Variants in RNF149 observed in about 807,000 individuals in gnomAD.
RNF149 encodes ring finger protein 149.
RNF149 carries 21 observed loss-of-function variants against 39.0 expected under a neutral mutation model. That is an observed-to-expected ratio of 0.54 (90% CI 0.38 to 0.77). The LOEUF (loss-of-function observed/expected upper bound fraction) is 0.77, where lower values mean the gene tolerates loss of function less well. Ranked by LOEUF, RNF149 falls within the 30% of genes least tolerant of loss-of-function variation. RNF149 has a pLI of 0.00. For synonymous variants in RNF149, 209 were observed against 213.6 expected (o/e 0.98, Z 0.19); for missense variants, 493 against 534.9 (o/e 0.92, Z 0.77).
At chr2:101,281,489 CTTTTTTTTTTT>C (rs752092873) in intron 6 of RNF149, 1 of 136,602 alleles carries the variant, frequency 7.3e-6, no homozygotes. Flanking sequence ...AATAAAATTC[CTTTTTTTTTTT>C]TTTTTTTTTT....
chr2:101,275,086 C>T (rs895053769), downstream of RNF149, among the ~76,000 whole-genome samples: 6 of 149,618 alleles, frequency 4.0e-5, no homozygotes, highest in South Asian at 2.1e-4. Context: ...TGAGCCACCA[C>T]GCCTGGCCCT....
intron 1 of RNF149, among the ~76,000 whole-genome samples, chr2:101,299,825 C>T (rs929801615): frequency 5.9e-5 from 9 of 152,112 alleles, no homozygotes; most frequent in South Asian, 4.1e-4. Flanking sequence ...TTCAGAAATC[C>T]CAGGGAGTTG....
Position 101,277,101 on chromosome 2 carries a change from A to G in RNF149, c.*137T>C, listed in dbSNP as rs1457304393. The stretch of plus-strand genomic sequence containing the variant: ...AGAAGAAAATATCTTAGTCCTTTGT[A>G]TATCAAATCAGAATCTAATAGGTAA... On this transcript the variant is annotated 3_prime_UTR_variant, in exon 7 of 7. Coordinates refer to ENST00000295317, the MANE Select transcript of RNF149 (RefSeq NM_173647.4). The G allele has an allele frequency of 6.3e-6, 9 of 1,429,314 alleles. No individual in the cohort carries two copies. In the East Asian group the frequency reaches 1.9e-4, roughly 30 times the overall value. 88.5% of individuals were successfully genotyped at this position (1,429,314 alleles called of 1,614,324 possible).
rs1192292206 is a variant in RNF149, at chr2:101,308,412, C to T, written c.177G>A (p.Ser59=). 6.2e-7 allele frequency: 1 copy of T among 1,611,274 alleles called. No homozygotes were observed. Among genetic ancestry groups the T allele is most frequent in the African/African-American group, 1.3e-5 (1 of 74,588 alleles). The change falls in exon 1 of 7, where the codon TCG becomes TCA. Residue 59 remains serine, a synonymous_variant. Coordinates refer to ENST00000295317, the MANE Select transcript of RNF149 (RefSeq NM_173647.4). The stretch of plus-strand genomic sequence containing the variant: ...AGCTGTCGCCGAAGCGGCCACTCTC[C>T]GAGACGCTCCACACCGTCAGGTTGG... ...PQTNLTVWSV[S]ESGRFGDSSP...
chr2:101,290,962 T>C (rs929869269), intron 3 of RNF149, among the ~76,000 whole-genome samples: 2 of 152,182 alleles, frequency 1.3e-5, no homozygotes, highest in Non-Finnish European at 2.9e-5. Flanking sequence ...CAGGATTCTC[T>C]TTCCCAGGAT....
chr2:101,286,846 C>T (rs750162683), intron 4 of RNF149, among the ~76,000 whole-genome samples: 17 of 152,308 alleles, frequency 1.1e-4, no homozygotes, highest in South Asian at 2.1e-4. Flanking sequence ...ACGAGCTCTG[C>T]GACTCAATGG....
intron 5 of RNF149, among the ~76,000 whole-genome samples, chr2:101,285,019 T>G (rs994951441): frequency 6.6e-6 from 1 of 152,138 alleles, no homozygotes; most frequent in African/African-American, 2.4e-5. Context: ...CTCAGTCTCT[T>G]GAGTAAATGG....
rs17190440 is a variant in RNF149 at position 101,306,418 on chromosome 2, G to A, written c.460+1711C>T. Reference sequence around the variant, plus strand: ...TTCATGACATTCTTGTGCAAACGCAGCCTGGGTACCGTGACAATAGATTTG... The same window carrying A: ...TTCATGACATTCTTGTGCAAACGCAACCTGGGTACCGTGACAATAGATTTG... On this transcript the variant is annotated intron_variant, in intron 1 of 6. Transcript: ENST00000295317. Among the ~76,000 whole-genome samples, 1,505 of 152,256 alleles carry A rather than the reference G, an allele frequency of 9.9e-3. 18 individuals carry two copies. Among genetic ancestry groups the A allele is most frequent in the South Asian group, 0.052 (250 of 4,830 alleles).
chr2:101,295,251 T>C, intron 1 of RNF149, 70 bp from the exon 2 acceptor site: 1 of 1,315,914 alleles, frequency 7.6e-7, no homozygotes, highest in Non-Finnish European at 1.1e-6. Flanking sequence ...AAATTAAATA[T>C]AAGGGTACTA....
chr2:101,296,973 C>G (rs1573251702), intron 1 of RNF149, among the ~76,000 whole-genome samples: 1 of 152,156 alleles, frequency 6.6e-6, no homozygotes, highest in African/African-American at 2.4e-5. Context: ...CTTTGGGAGG[C>G]TGAGGCGGGC....
chr2:101,275,456 T>G, downstream of RNF149, among the ~76,000 whole-genome samples: 1 of 120,778 alleles, frequency 8.3e-6, no homozygotes, highest in Non-Finnish European at 1.7e-5. Flanking sequence ...TTTTTTTTTT[T>G]TTTGAGACGG....
intron 4 of RNF149, chr2:101,288,746 G>A (rs1182319890): frequency 1.5e-5 from 6 of 413,750 alleles, no homozygotes; most frequent in South Asian, 3.2e-5. Context: ...GTCAATCTAC[G>A]ACAAAGATAC....
At chr2:101,307,384 G>A (rs775194099) in intron 1 of RNF149, among the ~76,000 whole-genome samples, 16 of 152,120 alleles carry the variant, frequency 1.1e-4, no homozygotes, top group Non-Finnish European at 2.2e-4. Context: ...GGTCTATGTT[G>A]GCCAGGCTGG....
chr2:101,288,042 G>A (rs1351818505), intron 4 of RNF149, among the ~76,000 whole-genome samples: 1 of 151,970 alleles, frequency 6.6e-6, no homozygotes, highest in Non-Finnish European at 1.5e-5. Context: ...ATGTCACCCA[G>A]GCTGGAGTGC....
intron 1 of RNF149, 151 bp from the exon 2 acceptor site, chr2:101,295,332 A>C: frequency 2.9e-6 from 2 of 683,466 alleles, no homozygotes; most frequent in Non-Finnish European, 4.8e-6. Context: ...CTGGTTCCAA[A>C]AGAAACTGAT....
At chr2:101,272,295 C>T (rs1573208443), downstream of RNF149, among the ~76,000 whole-genome samples, 1 of 152,150 alleles carries the variant, frequency 6.6e-6, no homozygotes, top group Admixed American at 6.5e-5. Flanking sequence ...CAAAGAAAAG[C>T]ATGGGTTGGC....
chr2:101,299,184 G>T (rs1256930197), intron 1 of RNF149, among the ~76,000 whole-genome samples: 1 of 152,130 alleles, frequency 6.6e-6, no homozygotes, highest in Admixed American at 6.6e-5. Context: ...ATGTGAAAGG[G>T]TATATAAAGA....
chr2:101,295,108 T>A lies in RNF149; in HGVS notation c.534A>T (p.Gly178=), dbSNP rs1201752258. ...GREILELVQK[G]IPVTMTIGVG... is the part of the protein sequence containing the mutation. Reference sequence around the variant, plus strand: ...CCCCTATGGTCATCGTTACTGGAATTCCTTTTTGCACCAGCTCCAAAATTT... The same window carrying A: ...CCCCTATGGTCATCGTTACTGGAATACCTTTTTGCACCAGCTCCAAAATTT... The change falls in exon 2 of 7, where the codon GGA becomes GGT. Residue 178 remains glycine, a synonymous_variant. Transcript: ENST00000295317. 6.2e-7 allele frequency: 1 copy of A among 1,614,080 alleles called. No individual in the cohort carries two copies. Among genetic ancestry groups the A allele is most frequent in the Non-Finnish European group, 8.5e-7 (1 of 1,180,022 alleles).
intron 4 of RNF149, among the ~76,000 whole-genome samples, chr2:101,287,457 G>A (rs568016277): frequency 6.6e-6 from 1 of 152,324 alleles, no homozygotes; most frequent in South Asian, 2.1e-4. Flanking sequence ...AGCCCAGTAA[G>A]GAGACCACGA....
Sources: gnomAD v4.1 joint callset for allele counts (sites outside exome capture counted in the v4.1 genomes callset) on GRCh38, gnomAD v4.1.1 for gene constraint, MANE v1.5 for transcripts, NCBI Gene and HGNC (gene_info 2026-07-23, HGNC 2026-07-21) for gene names.